SYN3: variants seen among roughly 807,000 people sequenced by gnomAD.
SYN3 encodes synapsin III.
A neutral mutation model predicts 65.8 loss-of-function variants in SYN3; 35 were observed. The observed-to-expected ratio is 0.53, with a 90% CI of 0.41 to 0.70. The LOEUF is 0.70. SYN3 is among the 30% of genes least tolerant of loss of function. The probability of loss-of-function intolerance (pLI) is 0.00; values close to 1 mark genes in which losing one functional copy is unlikely to be tolerated. For missense variants in SYN3, 680 were observed against 749.0 expected (o/e 0.91, Z 1.08); for synonymous variants, 270 against 292.9 (o/e 0.92, Z 0.80).
intron 6 of SYN3, among the ~76,000 whole-genome samples, chr22:32,752,929 G>A (rs999252238): frequency 4.6e-5 from 7 of 152,122 alleles, no homozygotes; most frequent in African/African-American, 1.4e-4. Flanking sequence ...CCAGAATGCA[G>A]CAAAGGGAAA....
chr22:32,529,119 T>C lies in SYN3; in HGVS notation c.1096-111A>G, dbSNP rs1156510907. On this transcript the variant is annotated intron_variant, in intron 10 of 13. Transcript: ENST00000358763. ...GCTCAGGACAGAAGTGACCACCAGA[T>C]GGCGATGTCCTCCATGCAAATCACC... is the stretch of plus-strand genomic sequence containing the variant. 3.0e-6 allele frequency: 4 copies of C among 1,354,604 alleles called. No homozygotes were observed. The African/African-American group carries it at 5.7e-5, about 19-fold the overall frequency. The allele number at this position is 1,354,604 out of a possible 1,614,324, so 83.9% of individuals were successfully genotyped here. A position where few individuals can be genotyped will look rare whatever the true frequency, so the allele number is the denominator to read the frequency against.
At chr22:33,008,561 A>C (rs133948) in intron 1 of SYN3, among the ~76,000 whole-genome samples, 108,060 of 151,960 alleles carry the variant, frequency 0.71, 39,010 homozygotes, top group African/African-American at 0.79. Flanking sequence ...TTTTTAAAAT[A>C]ACTGAATACC....
chr22:32,780,923 T>TC (rs1248673972), intron 6 of SYN3, among the ~76,000 whole-genome samples: 34 of 123,806 alleles, frequency 2.7e-4, no homozygotes, highest in Admixed American at 3.8e-4. Context: ...CTTCCTTCCT[T>TC]CCTTCCTTCC....
At chr22:32,763,932 A>G (rs1359624771) in intron 6 of SYN3, among the ~76,000 whole-genome samples, 7 of 55,952 alleles carry the variant, frequency 1.3e-4, no homozygotes, top group Non-Finnish European at 2.1e-4. Context: ...TTGGTGTAGA[A>G]GCCCCCCCCC....
intron 3 of SYN3, among the ~76,000 whole-genome samples, chr22:32,943,701 C>T (rs1031662201): frequency 6.6e-6 from 1 of 152,068 alleles, no homozygotes; most frequent in Non-Finnish European, 1.5e-5. Context: ...TTCAGTAGAC[C>T]CATCTCACGT....
intron 6 of SYN3, among the ~76,000 whole-genome samples, chr22:32,745,089 G>A (rs767489148): frequency 1.2e-4 from 19 of 152,168 alleles, no homozygotes; most frequent in Non-Finnish European, 2.5e-4. Flanking sequence ...GCTGGGAAAG[G>A]GAATCAGTGG....
intron 6 of SYN3, among the ~76,000 whole-genome samples, chr22:32,856,579 T>C (rs958061205): frequency 2.6e-5 from 4 of 152,248 alleles, no homozygotes; most frequent in Admixed American, 6.5e-5. Context: ...ATGTGGTATT[T>C]TGATATATTC....
intron 4 of SYN3, among the ~76,000 whole-genome samples, chr22:32,921,774 T>C (rs2050339704): frequency 6.6e-6 from 1 of 152,178 alleles, no homozygotes; most frequent in South Asian, 2.1e-4. Flanking sequence ...CATTTCACAT[T>C]ATACTAACTC....
At chr22:32,791,574 C>A (rs903211786) in intron 6 of SYN3, among the ~76,000 whole-genome samples, 34 of 151,418 alleles carry the variant, frequency 2.2e-4, no homozygotes, top group Non-Finnish European at 7.4e-5. Context: ...ACCTTTGCAT[C>A]CCTTCTTATT....
chr22:32,935,312 A>T (rs918761712), intron 3 of SYN3, among the ~76,000 whole-genome samples: 23 of 149,516 alleles, frequency 1.5e-4, no homozygotes, highest in South Asian at 1.0e-3. Context: ...TCTCTCTCAC[A>T]CACACACACA....
chr22:32,596,723 T>C lies in SYN3; in HGVS notation c.725A>G (p.His242Arg), dbSNP rs556300734. ...PNHKPMVTAP[H>R]FPVVVKLGHA... ...TCCCAGCTTGACTACCACCGGGAAGTGTGGGGCTGTGACCTGAAAGAGACA... is the reference window on the plus strand; with the variant it reads ...TCCCAGCTTGACTACCACCGGGAAGCGTGGGGCTGTGACCTGAAAGAGACA... Residue 242 changes from histidine to arginine, a missense_variant, in exon 7 of 14, where the codon CAC becomes CGC. Coordinates refer to ENST00000358763, the MANE Select transcript of SYN3 (RefSeq NM_003490.4). 10 of 1,613,520 alleles carry C rather than the reference T, an allele frequency of 6.2e-6. No homozygotes were observed. Among genetic ancestry groups the C allele is most frequent in the Admixed American group, 5.0e-5 (3 of 59,950 alleles).
intron 6 of SYN3, among the ~76,000 whole-genome samples, chr22:32,814,439 C>A (rs964017863): frequency 2.0e-5 from 3 of 152,164 alleles, no homozygotes; most frequent in South Asian, 4.2e-4. Flanking sequence ...GCTAAGCTAC[C>A]GTATTAAACA....
intron 6 of SYN3, among the ~76,000 whole-genome samples, chr22:32,674,432 T>C (rs2060413108): frequency 6.6e-6 from 1 of 152,234 alleles, no homozygotes. Context: ...GCTTTGCTTC[T>C]GTTGCTCTCT....
intron 6 of SYN3, among the ~76,000 whole-genome samples, chr22:32,611,937 T>G (rs1310113281): frequency 6.6e-6 from 1 of 152,120 alleles, no homozygotes; most frequent in South Asian, 2.1e-4. Context: ...GAAGGAGAGA[T>G]GGGATAGAGA....
At chr22:32,541,113 T>A (rs953092521) in intron 8 of SYN3, among the ~76,000 whole-genome samples, 16 of 152,214 alleles carry the variant, frequency 1.1e-4, no homozygotes, top group African/African-American at 3.9e-4. Flanking sequence ...AGAAATCTGG[T>A]GTAACCTCCT....
At chr22:32,859,561 C>A in intron 6 of SYN3, 1 of 738,526 alleles carries the variant, frequency 1.4e-6, no homozygotes, top group Non-Finnish European at 2.1e-6. Context: ...CCTGGCCCCA[C>A]CCTGCCCCTT....
intron 6 of SYN3, among the ~76,000 whole-genome samples, chr22:32,785,810 C>T (rs535796343): frequency 3.3e-5 from 5 of 152,178 alleles, no homozygotes; most frequent in African/African-American, 1.2e-4. Context: ...CGCAAGCTCT[C>T]TCAGCTCTCA....
chr22:32,884,060 G>C (rs750418868), intron 4 of SYN3, among the ~76,000 whole-genome samples: 1 of 152,282 alleles, frequency 6.6e-6, no homozygotes. Context: ...TGCTAGGTGG[G>C]ACTTCATATA....
chr22:32,630,243 G>A (rs2059729152), intron 6 of SYN3, among the ~76,000 whole-genome samples: 1 of 152,008 alleles, frequency 6.6e-6, no homozygotes, highest in African/African-American at 2.4e-5. Flanking sequence ...CGGCCTCCCA[G>A]AGTGCTGGGA....
Sources: allele counts gnomAD v4.1 joint callset (sites outside exome capture counted in the v4.1 genomes callset), GRCh38; gene constraint gnomAD v4.1.1; transcripts MANE v1.5; gene names NCBI Gene and HGNC (gene_info 2026-07-23, HGNC 2026-07-21).